The following SYNPO2 variants were observed in gnomAD, a reference collection of about 807,000 sequenced individuals.
The protein encoded by SYNPO2 is synaptopodin 2.
Under a neutral mutation model 85.0 loss-of-function variants are expected in SYNPO2, and 56 were observed. The observed-to-expected ratio is 0.66, with a 90% confidence interval of 0.53 to 0.82. The LOEUF (loss-of-function observed/expected upper bound fraction) is 0.82, where lower values mean the gene tolerates loss of function less well. Among genes scored for constraint, SYNPO2 ranks in the 40% least tolerant of loss-of-function variants. The pLI is 0.00. For missense variants in SYNPO2, 1,575 were observed against 1,534.2 expected, an observed-to-expected ratio of 1.03 and a Z score of -0.44; for synonymous variants, 602 against 591.1, an observed-to-expected ratio of 1.02 and a Z score of -0.27.
intron 1 of SYNPO2, among the ~76,000 whole-genome samples, chr4:118,943,116 A>G (rs1578571992): frequency 6.6e-6 from 1 of 152,184 alleles, no homozygotes; most frequent in East Asian, 1.9e-4. Flanking sequence ...CAAAAAAAAA[A>G]AAAAGTCAAT....
chr4:118,874,178 G>A (rs982549821), intron 1 of SYNPO2, among the ~76,000 whole-genome samples: 1 of 152,118 alleles, frequency 6.6e-6, no homozygotes, highest in Non-Finnish European at 1.5e-5. Flanking sequence ...AAATACTACT[G>A]TTGCAACTGT....
chr4:118,885,728 C>T (rs1307808391), upstream of SYNPO2, among the ~76,000 whole-genome samples: 2 of 152,256 alleles, frequency 1.3e-5, no homozygotes, highest in Non-Finnish European at 2.9e-5. Flanking sequence ...CCACCTTGCC[C>T]ACCTTGTCTT....
chr4:119,032,436 T>C (rs1399565801), intron 4 of SYNPO2: 4 of 1,104,484 alleles, frequency 3.6e-6, no homozygotes, highest in Non-Finnish European at 4.4e-6. Flanking sequence ...GGTTCAAATG[T>C]AGTGAAGGTA....
chr4:118,972,531 G>A (rs1430522467), intron 1 of SYNPO2, among the ~76,000 whole-genome samples: 3 of 152,118 alleles, frequency 2.0e-5, no homozygotes, highest in Non-Finnish European at 2.9e-5. Context: ...CACTTTTTAT[G>A]TATTTTTTTC....
Position 118,990,091 on chromosome 4 carries a change from G to A in SYNPO2, c.106-33339G>A, listed in dbSNP as rs6824570. 2.6e-3 allele frequency among the ~76,000 whole-genome samples: 399 copies of A among 152,202 alleles called. 1 individual carries two copies. The highest frequency in any genetic ancestry group is 5.2e-3 in the Admixed American group (79 of 15,296). On this transcript the variant is annotated intron_variant, in intron 1 of 4. Transcript: ENST00000307142. ...AGAAGACGGAAATGGGGCTGGCTTT[G>A]CATACAGGTTTTGTGATCTATTATT... is the stretch of plus-strand genomic sequence containing the variant.
At chr4:118,959,531 T>C (rs997732568) in intron 1 of SYNPO2, among the ~76,000 whole-genome samples, 10 of 152,216 alleles carry the variant, frequency 6.6e-5, no homozygotes, top group Non-Finnish European at 1.3e-4. Context: ...GCATGAACAA[T>C]GTGCTTTTTA....
chr4:119,026,527 G>C (rs1040200208), intron 2 of SYNPO2, 100 bp from the exon 3 acceptor site: 1 of 1,262,294 alleles, frequency 7.9e-7, no homozygotes, highest in South Asian at 1.8e-5. Flanking sequence ...AAAATATTTT[G>C]ACTATATCAC....
chr4:118,993,722 CAG>C (rs1736488536), intron 1 of SYNPO2, among the ~76,000 whole-genome samples: 1 of 152,180 alleles, frequency 6.6e-6, no homozygotes, highest in African/African-American at 2.4e-5. Context: ...TAACTGATTT[CAG>C]AGTCTTTTCT....
intron 4 of SYNPO2, chr4:119,033,770 T>C: frequency 1.0e-6 from 1 of 984,938 alleles, no homozygotes; most frequent in South Asian, 4.7e-5. Flanking sequence ...ATCTTCCTTG[T>C]ATGAGCTATT....
intron 2 of SYNPO2, among the ~76,000 whole-genome samples, chr4:119,024,898 G>C (rs554836234): frequency 1.3e-5 from 2 of 152,142 alleles, no homozygotes; most frequent in Non-Finnish European, 2.9e-5. Context: ...CTATTGCCCA[G>C]AGATAGCTCA....
chr4:119,024,497 C>G (rs769845624), intron 2 of SYNPO2, among the ~76,000 whole-genome samples: 1 of 152,074 alleles, frequency 6.6e-6, no homozygotes, highest in Non-Finnish European at 1.5e-5. Context: ...GATTCTGTTC[C>G]GGGATGAAAA....
intron 1 of SYNPO2, among the ~76,000 whole-genome samples, chr4:118,983,286 T>G (rs1425402520): frequency 2.0e-5 from 3 of 152,164 alleles, no homozygotes; most frequent in Non-Finnish European, 2.9e-5. Flanking sequence ...ATGGGGAAAG[T>G]TCTTTACCTC....
intron 1 of SYNPO2, among the ~76,000 whole-genome samples, chr4:118,979,367 C>T (rs143615840): frequency 2.0e-3 from 312 of 152,260 alleles, no homozygotes; most frequent in African/African-American, 7.1e-3. Context: ...GCTGTAAGGC[C>T]GGGTCTCAAG....
intron 1 of SYNPO2, among the ~76,000 whole-genome samples, chr4:119,002,852 C>CATTCTAGGCTAT (rs71595342): frequency 0.84 from 127,690 of 151,672 alleles, 53,858 homozygotes; most frequent in South Asian, 0.93. Flanking sequence ...CTGGGTATAG[C>CATTCTAGGCTAT]ATTCTAGGCT....
intron 4 of SYNPO2, chr4:119,032,894 TAAGGA>T (rs1002732558): frequency 1.1e-6 from 1 of 922,180 alleles, no homozygotes; most frequent in African/African-American, 1.8e-5. Flanking sequence ...GTAAATGGGA[TAAGGA>T]AAGAAGGATA....
At chr4:119,035,724 C>T (rs916208545) in intron 4 of SYNPO2, 83 of 984,668 alleles carry the variant, frequency 8.4e-5, no homozygotes, top group Non-Finnish European at 9.5e-5. Context: ...CTAGAAAGTG[C>T]CGACTTCTTT....
intron 1 of SYNPO2, among the ~76,000 whole-genome samples, chr4:118,862,768 T>C (rs1297356761): frequency 6.6e-6 from 1 of 152,082 alleles, no homozygotes; most frequent in African/African-American, 2.4e-5. Flanking sequence ...TTTTCATCAG[T>C]GATATTGGCT....
chr4:119,049,746 T>C (rs1358738677), intron 4 of SYNPO2, among the ~76,000 whole-genome samples: 1 of 152,196 alleles, frequency 6.6e-6, no homozygotes, highest in African/African-American at 2.4e-5. Context: ...TAAACCAACA[T>C]TTAATTGACA....
intron 1 of SYNPO2, among the ~76,000 whole-genome samples, chr4:118,972,244 C>G (rs1177291783): frequency 1.3e-5 from 2 of 152,042 alleles, no homozygotes; most frequent in Non-Finnish European, 2.9e-5. Context: ...AGTTTGAGAC[C>G]AACCTGGGCA....
Sources: allele counts gnomAD v4.1 joint callset (sites outside exome capture counted in the v4.1 genomes callset), GRCh38; gene constraint gnomAD v4.1.1; transcripts MANE v1.5; gene names NCBI Gene and HGNC (gene_info 2026-07-23, HGNC 2026-07-21).